The following COX7B2 variants were observed in gnomAD, a reference collection of about 807,000 sequenced individuals.
COX7B2 encodes cytochrome c oxidase subunit 7B2, also known as cytochrome c oxidase subunit 7B2, mitochondrial.
For missense variants in COX7B2, 109 were observed against 95.9 expected, an observed-to-expected ratio of 1.14 and a Z score of -0.57; for synonymous variants, 37 against 32.1, an observed-to-expected ratio of 1.15 and a Z score of -0.51.
intron 1 of COX7B2, among the ~76,000 whole-genome samples, chr4:46,889,389 C>A (rs1385166062): frequency 6.6e-6 from 1 of 152,196 alleles, no homozygotes; most frequent in African/African-American, 2.4e-5. Flanking sequence ...TCAACCAGAC[C>A]TAACACCACA....
At chr4:46,868,716 T>C (rs1001160398) in intron 1 of COX7B2, among the ~76,000 whole-genome samples, 3 of 152,196 alleles carry the variant, frequency 2.0e-5, no homozygotes, top group African/African-American at 4.8e-5. Flanking sequence ...TATTTGTTAA[T>C]TGAATGTGGT....
chr4:46,788,737 A>G (rs905071725), intron 2 of COX7B2, among the ~76,000 whole-genome samples: 7 of 152,220 alleles, frequency 4.6e-5, no homozygotes, highest in African/African-American at 1.7e-4. Flanking sequence ...AACTAATAGT[A>G]AACTCACATT....
intron 2 of COX7B2, among the ~76,000 whole-genome samples, chr4:46,766,320 C>A (rs1716530786): frequency 6.6e-6 from 1 of 152,096 alleles, no homozygotes; most frequent in Admixed American, 6.6e-5. Flanking sequence ...CTAAAAATAT[C>A]TATACCTACA....
Position 46,833,508 on chromosome 4 carries a change from G to A in COX7B2, c.-50+11452C>T, listed in dbSNP as rs189982400. Among the ~76,000 whole-genome samples the A allele has an allele frequency of 1.8e-4, 27 of 152,236 alleles. No individual in the cohort carries two copies. In the East Asian group the frequency reaches 5.0e-3, roughly 28 times the overall value. ...AGTATAGCCCAAATGCAGGTTACTA[G>A]CATTCATATACTTTTTGATGTAAGA... On this transcript the variant is annotated intron_variant, in intron 2 of 2. Transcript: ENST00000355591.
chr4:46,831,688 A>G (rs1410561438), intron 2 of COX7B2, among the ~76,000 whole-genome samples: 1 of 152,140 alleles, frequency 6.6e-6, no homozygotes, highest in Admixed American at 6.5e-5. Flanking sequence ...GGGGACTTGG[A>G]GAATCTTTAT....
intron 2 of COX7B2, among the ~76,000 whole-genome samples, chr4:46,807,907 G>A (rs948907212): frequency 2.0e-5 from 3 of 151,952 alleles, no homozygotes; most frequent in African/African-American, 7.2e-5. Flanking sequence ...CCAGTACCAT[G>A]CTGTTTTGAT....
chr4:46,869,666 AT>A (rs1232396792), intron 1 of COX7B2, among the ~76,000 whole-genome samples: 7 of 151,450 alleles, frequency 4.6e-5, no homozygotes, highest in East Asian at 1.9e-4. Context: ...CTAGTTGAAG[AT>A]TTTTTTTTCT....
rs574257691 is a variant in COX7B2, at chr4:46,762,764, G to T, written c.-49-27523C>A. 4.1e-5 allele frequency among the ~76,000 whole-genome samples: 6 copies of T among 147,418 alleles called. No homozygotes were observed. The South Asian group carries it at 1.3e-3, about 31-fold the overall frequency. On this transcript the variant is annotated intron_variant, in intron 2 of 2. Coordinates refer to ENST00000355591, the MANE Select transcript of COX7B2 (RefSeq NM_130902.3). Reference sequence around the variant, plus strand: ...AGCCATTTCTGTTTAGACTACAATAGATGTTATTATCTTCATATACATATG... The same window carrying T: ...AGCCATTTCTGTTTAGACTACAATATATGTTATTATCTTCATATACATATG...
intron 1 of COX7B2, among the ~76,000 whole-genome samples, chr4:46,870,876 G>A (rs1037255843): frequency 6.6e-6 from 1 of 151,914 alleles, no homozygotes; most frequent in Admixed American, 6.6e-5. Flanking sequence ...TGCTCATGGA[G>A]AGGAAGAATC....
intron 2 of COX7B2, among the ~76,000 whole-genome samples, chr4:46,740,414 G>T (rs1714634655): frequency 6.6e-6 from 1 of 152,086 alleles, no homozygotes; most frequent in South Asian, 2.1e-4. Flanking sequence ...GTTGTATTAA[G>T]CTCCCAATAT....
At chr4:46,774,562 C>T (rs1717053334) in intron 2 of COX7B2, among the ~76,000 whole-genome samples, 1 of 151,852 alleles carries the variant, frequency 6.6e-6, no homozygotes, top group South Asian at 2.1e-4. Flanking sequence ...TTGTGTATTC[C>T]CCCTATTTTC....
chr4:46,740,424 T>TA (rs1225220453), intron 2 of COX7B2, among the ~76,000 whole-genome samples: 6 of 152,202 alleles, frequency 3.9e-5, no homozygotes, highest in Non-Finnish European at 8.8e-5. Context: ...GCTCCCAATA[T>TA]AATGAAGATC....
At chr4:46,770,661 GA>G (rs113406297) in intron 2 of COX7B2, among the ~76,000 whole-genome samples, 3 of 149,680 alleles carry the variant, frequency 2.0e-5, no homozygotes, top group African/African-American at 7.4e-5. Flanking sequence ...AGAGAGACCA[GA>G]AAAAAAAACA....
At chr4:46,883,341 T>C (rs1378875689) in intron 1 of COX7B2, among the ~76,000 whole-genome samples, 1 of 152,012 alleles carries the variant, frequency 6.6e-6, no homozygotes, top group Admixed American at 6.6e-5. Context: ...TTTACATAAA[T>C]AACCTCACTA....
At chr4:46,821,474 T>C (rs1257179288) in intron 2 of COX7B2, among the ~76,000 whole-genome samples, 2 of 152,210 alleles carry the variant, frequency 1.3e-5, no homozygotes, top group Non-Finnish European at 2.9e-5. Flanking sequence ...TTTAATCCTA[T>C]GCAGCAGTGT....
At chr4:46,878,664 C>A (rs1252518676) in intron 1 of COX7B2, among the ~76,000 whole-genome samples, 1 of 152,000 alleles carries the variant, frequency 6.6e-6, no homozygotes, top group Non-Finnish European at 1.5e-5. Flanking sequence ...TGTCAGGAAC[C>A]ACTCAGTTTC....
intron 2 of COX7B2, among the ~76,000 whole-genome samples, chr4:46,843,375 A>G (rs1716064761): frequency 6.6e-6 from 1 of 152,070 alleles, no homozygotes; most frequent in African/African-American, 2.4e-5. Flanking sequence ...ACATCCTCTG[A>G]AGTAGTGATT....
chr4:46,855,284 CCACTG>C (rs1455941387), intron 1 of COX7B2, among the ~76,000 whole-genome samples: 1 of 151,852 alleles, frequency 6.6e-6, no homozygotes, highest in Non-Finnish European at 1.5e-5. Flanking sequence ...TGAGATAGCA[CCACTG>C]CACAAGAAAT....
In COX7B2 at chr4:46,877,422, G is replaced by C. The variant is rs115429570; in HGVS notation, c.-105+31738C>G. Among the ~76,000 whole-genome samples, 1,016 of 152,128 alleles carry C rather than the reference G, an allele frequency of 6.7e-3. 13 individuals carry two copies. The highest frequency in any genetic ancestry group is 0.023 in the African/African-American group (952 of 41,498). ...CTGCTGGTTAATCTTTTCTTCTTTGGTATAGGAGGACATTGTGACCGCAAA... is the reference window on the plus strand; with the variant it reads ...CTGCTGGTTAATCTTTTCTTCTTTGCTATAGGAGGACATTGTGACCGCAAA... On this transcript the variant is annotated intron_variant, in intron 1 of 2. Coordinates refer to ENST00000355591, the MANE Select transcript of COX7B2 (RefSeq NM_130902.3).
Sources: allele counts gnomAD v4.1 joint callset (sites outside exome capture counted in the v4.1 genomes callset), GRCh38; gene constraint gnomAD v4.1.1; transcripts MANE v1.5; gene names NCBI Gene and HGNC (gene_info 2026-07-23, HGNC 2026-07-21).